PTPN13: variants seen among roughly 807,000 people sequenced by gnomAD.
The protein encoded by PTPN13 is protein tyrosine phosphatase non-receptor type 13.
In PTPN13, 191 loss-of-function variants were observed where a neutral mutation model predicts 284.0. That is an observed-to-expected ratio of 0.67 (90% CI 0.60 to 0.76). The LOEUF (loss-of-function observed/expected upper bound fraction) is 0.76. Among genes scored for constraint, PTPN13 ranks in the 30% least tolerant of loss-of-function variants. The pLI, the probability that PTPN13 is intolerant of heterozygous loss-of-function variation, is 0.00. For missense variants in PTPN13, 2,797 were observed against 2,939.9 expected (o/e 0.95, Z 1.12); for synonymous variants, 986 against 1,022.3 (o/e 0.96, Z 0.68).
intron 1 of PTPN13, among the ~76,000 whole-genome samples, chr4:86,627,510 T>C (rs1325234904): frequency 1.1e-5 from 1 of 93,280 alleles, no homozygotes; most frequent in Non-Finnish European, 2.5e-5. Flanking sequence ...AGTTTTTGGT[T>C]TTTTTTTTTC....
intron 23 of PTPN13, among the ~76,000 whole-genome samples, chr4:86,762,209 G>A (rs1205589078): frequency 6.6e-6 from 1 of 152,210 alleles, no homozygotes; most frequent in Non-Finnish European, 1.5e-5. Context: ...CTGGCCTCAA[G>A]TGATCTGCCT....
At chr4:86,769,725 G>T (rs1739757773) in intron 28 of PTPN13, 44 bp from the exon 29 acceptor site, 5 of 1,257,510 alleles carry the variant, frequency 4.0e-6, no homozygotes, top group Non-Finnish European at 5.6e-6. Flanking sequence ...TGTAAACACA[G>T]CATGTTAATA....
At chr4:86,628,269 C>T (rs1432188534) in intron 1 of PTPN13, among the ~76,000 whole-genome samples, 1 of 151,776 alleles carries the variant, frequency 6.6e-6, no homozygotes, top group African/African-American at 2.4e-5. Context: ...TTTAGATATC[C>T]TCATAGCTAT....
intron 12 of PTPN13, 138 bp from the exon 13 acceptor site, chr4:86,734,165 G>T (rs944366778): frequency 1.2e-5 from 8 of 688,126 alleles, no homozygotes; most frequent in Middle Eastern, 4.3e-4. Context: ...AGAGCTCCCT[G>T]CCACATTTTT....
At chr4:86,741,507 C>G in intron 15 of PTPN13, 127 bp from the exon 16 acceptor site, 1 of 800,218 alleles carries the variant, frequency 1.2e-6, no homozygotes, top group East Asian at 2.7e-5. Flanking sequence ...TGGGTCTCTC[C>G]CATAACATGT....
rs760139551 is a variant in PTPN13 at position 86,701,681 on chromosome 4, A to G, written c.1075A>G (p.Met359Val). The G allele has an allele frequency of 5.0e-6, 8 of 1,613,944 alleles. No homozygotes were observed. In the South Asian group the frequency reaches 7.7e-5, roughly 16 times the overall value. The change falls in exon 7 of 48, where the codon ATG becomes GTG. Residue 359 changes from methionine (M) to valine (V), a missense_variant. Met to Val is a conservative substitution (Grantham distance 21, BLOSUM62 1). Coordinates refer to ENST00000411767, the MANE Select transcript of PTPN13 (RefSeq NM_080683.3). ...CTTGGATATCTTTGGCCCTCAGAAA[A>G]TGGATCCAATATATCACACTCGAGA... is the stretch of plus-strand genomic sequence containing the variant. ...IALDIFGPQK[M>V]DPIYHTRELP...
At chr4:86,771,092 G>A in intron 30 of PTPN13, 79 bp from the exon 31 acceptor site, 1 of 1,426,702 alleles carries the variant, frequency 7.0e-7, no homozygotes, top group South Asian at 1.6e-5. Context: ...GTAGAAAGTT[G>A]TTCAATGGTT....
intron 2 of PTPN13, among the ~76,000 whole-genome samples, chr4:86,656,117 A>G (rs957869728): frequency 6.6e-6 from 1 of 151,956 alleles, no homozygotes; most frequent in African/African-American, 2.4e-5. Context: ...ACTTCTCTAC[A>G]CTGGTTATTC....
intron 4 of PTPN13, among the ~76,000 whole-genome samples, chr4:86,687,407 T>C (rs774654570): frequency 2.0e-5 from 3 of 152,110 alleles, no homozygotes; most frequent in Non-Finnish European, 2.9e-5. Flanking sequence ...TAGTAGTAAA[T>C]AGTAATTGAA....
At chr4:86,759,810 A>T (rs746051290) in intron 23 of PTPN13, among the ~76,000 whole-genome samples, 2 of 152,216 alleles carry the variant, frequency 1.3e-5, no homozygotes, top group Non-Finnish European at 2.9e-5. Flanking sequence ...GAGATAATAC[A>T]TGTAAAGAAT....
Position 86,614,995 on chromosome 4 carries a change from A to G in PTPN13, c.-6+20206A>G, listed in dbSNP as rs989727680. Among the ~76,000 whole-genome samples, 5 of 152,194 alleles carry G rather than the reference A, an allele frequency of 3.3e-5. No homozygotes were observed. The East Asian group carries it at 5.8e-4, about 18-fold the overall frequency. ...CTAACAAGTTTGAATCTGCTACTGA[A>G]CTACATGTCTAGTCCTAGCATATAT... On this transcript the variant is annotated intron_variant, in intron 1 of 47. Coordinates refer to ENST00000411767, the MANE Select transcript of PTPN13 (RefSeq NM_080683.3).
intron 7 of PTPN13, among the ~76,000 whole-genome samples, chr4:86,707,053 T>C (rs1224814116): frequency 6.6e-6 from 1 of 152,184 alleles, no homozygotes; most frequent in African/African-American, 2.4e-5. Flanking sequence ...GTGATTACCA[T>C]ACACGCCCTA....
At chr4:86,760,494 G>T (rs1461407185) in intron 23 of PTPN13, among the ~76,000 whole-genome samples, 1 of 152,054 alleles carries the variant, frequency 6.6e-6, no homozygotes, top group Non-Finnish European at 1.5e-5. Flanking sequence ...TTATTCATTT[G>T]TCCAACAAAT....
chr4:86,794,581 C>T (rs1010526807), intron 40 of PTPN13, among the ~76,000 whole-genome samples: 1 of 152,176 alleles, frequency 6.6e-6, no homozygotes, highest in East Asian at 1.9e-4. Context: ...AAAGAGTCCA[C>T]ATAGCCAAGA....
intron 42 of PTPN13, among the ~76,000 whole-genome samples, chr4:86,800,973 C>T (rs879694214): frequency 1.1e-4 from 16 of 152,110 alleles, no homozygotes; most frequent in Non-Finnish European, 1.8e-4. Context: ...GTTTTGTGTC[C>T]CTCACAGTGC....
chr4:86,716,772 A>G lies in PTPN13; in HGVS notation c.1291+147A>G, dbSNP rs1400301115. 14 of 692,478 alleles carry G rather than the reference A, an allele frequency of 2.0e-5. No homozygotes were observed. In the East Asian group the frequency reaches 3.8e-4, roughly 19 times the overall value. 42.9% of individuals were successfully genotyped at this position (692,478 alleles called of 1,614,324 possible). On this transcript the variant is annotated intron_variant, in intron 8 of 47. Transcript: ENST00000411767. ...TTAAAAAAGCTGCTGGTTACTCAGT[A>G]GTAGTATTATAGAAACTAAATAGCA... is the stretch of plus-strand genomic sequence containing the variant.
At position 86,762,631 on chromosome 4, in the gene PTPN13, T is replaced by C. The variant is rs532117402; in HGVS notation, c.3554-96T>C. 8.2e-5 allele frequency: 81 copies of C among 985,954 alleles called. 4 individuals are homozygous for C. In the South Asian group the frequency reaches 1.3e-3, roughly 16 times the overall value. The allele number at this position is 985,954 out of a possible 1,614,324, so 61.1% of individuals were successfully genotyped here. On this transcript the variant is annotated intron_variant, in intron 23 of 47. Transcript: ENST00000411767. ...AATGGTGTTTTGTGTGTCATCCTTA[T>C]AAAATCCTTCCAACAATCTTCAAGA...
At chr4:86,662,910 G>A (rs908869694) in intron 2 of PTPN13, among the ~76,000 whole-genome samples, 2 of 152,182 alleles carry the variant, frequency 1.3e-5, no homozygotes, top group Non-Finnish European at 2.9e-5. Flanking sequence ...CAGCTACTTG[G>A]AAGCAGAAGC....
At position 86,775,631 on chromosome 4, in the gene PTPN13, C is replaced by T; in HGVS notation, c.5870C>T (p.Ser1957Leu). 1.2e-6 allele frequency: 2 copies of T among 1,611,972 alleles called. No individual in the cohort carries two copies. Among genetic ancestry groups the T allele is most frequent in the Non-Finnish European group, 1.7e-6 (2 of 1,179,006 alleles). Residue 1957 changes from serine to leucine, a missense_variant, in exon 35 of 48, where the codon TCA becomes TTA. Ser to Leu is a moderately radical substitution (Grantham distance 145). Transcript: ENST00000411767. ...AGAGCATTAGACATGTCACTTCCTTCATTGGTATTGAAAGCAACAAGGTAC... is the reference window on the plus strand; with the variant it reads ...AGAGCATTAGACATGTCACTTCCTTTATTGGTATTGAAAGCAACAAGGTAC... Reference protein sequence around the residue: ...VNRALDMSLPSLVLKATRNDL... With the variant: ...VNRALDMSLPLLVLKATRNDL...
Sources: gnomAD v4.1 joint callset for allele counts (sites outside exome capture counted in the v4.1 genomes callset) on GRCh38, gnomAD v4.1.1 for gene constraint, MANE v1.5 for transcripts, NCBI Gene and HGNC (gene_info 2026-07-23, HGNC 2026-07-21) for gene names.